Variants in C6orf120 observed in about 807,000 individuals in gnomAD.
The protein encoded by C6orf120 is UPF0669 protein C6orf120.
For synonymous variants in C6orf120, 165 were observed against 123.1 expected (o/e 1.34, Z -2.25); for missense variants, 311 against 264.2 (o/e 1.18, Z -1.23).
downstream of C6orf120, chr6:169,705,241 T>G (rs747145103): frequency 6.2e-7 from 1 of 1,613,180 alleles, no homozygotes; most frequent in South Asian, 1.1e-5. Flanking sequence ...ATAATGCATG[T>G]TTTACATTCC....
At chr6:169,704,063 C>T (rs1199742984) in exon 1 of C6orf120, 3 of 1,582,662 alleles carry the variant, frequency 1.9e-6, no homozygotes, top group African/African-American at 2.8e-5. Flanking sequence ...GGGGGGCCCG[C>T]TGACAACAGT....
At chr6:169,703,896 A>C (rs745568757) in exon 1 of C6orf120, 9 of 798,450 alleles carry the variant, frequency 1.1e-5, no homozygotes, top group Non-Finnish European at 1.6e-5. Flanking sequence ...GCAGATTTTA[A>C]GCTCATAATT....
At chr6:169,705,821 G>C (rs1425090658), downstream of C6orf120, 5 of 727,096 alleles carry the variant, frequency 6.9e-6, no homozygotes, top group African/African-American at 1.8e-5. Flanking sequence ...TTTACTTTTG[G>C]TAACTTGCTA....
At chr6:169,703,141 GT>G in exon 1 of C6orf120, 1 of 1,201,568 alleles carries the variant, frequency 8.3e-7, no homozygotes, top group Non-Finnish European at 1.2e-6. Context: ...GGTACCTTTA[GT>G]CAAGGGATGG....
downstream of C6orf120, chr6:169,705,085 A>G (rs762458949): frequency 4.3e-6 from 6 of 1,401,046 alleles, no homozygotes; most frequent in Non-Finnish European, 4.9e-6. Context: ...GAGTGCTGGG[A>G]GAGTCTCATC....
chr6:169,702,927 C>T (rs757009230), exon 1 of C6orf120: 1 of 1,612,420 alleles, frequency 6.2e-7, no homozygotes, highest in South Asian at 1.1e-5. Flanking sequence ...GCGCAGATGC[C>T]GGCCAGAAGC....
At chr6:169,705,886 C>T (rs952626674), downstream of C6orf120, among the ~76,000 whole-genome samples, 4 of 152,168 alleles carry the variant, frequency 2.6e-5, no homozygotes, top group Non-Finnish European at 5.9e-5. Context: ...CAATGTAAGA[C>T]TGCCTACTGA....
At chr6:169,704,129 T>C (rs1345264932) in exon 1 of C6orf120, 2 of 1,455,070 alleles carry the variant, frequency 1.4e-6, no homozygotes, top group Non-Finnish European at 1.9e-6. Flanking sequence ...AAATTATCTT[T>C]ACAGGACTGA....
chr6:169,705,325 A>C (rs1406001591), downstream of C6orf120: 3 of 1,596,492 alleles, frequency 1.9e-6, no homozygotes, highest in Non-Finnish European at 1.7e-6. Context: ...GGATGGCCTA[A>C]ATCAAAACCA....
chr6:169,703,917 A>G (rs182069716), exon 1 of C6orf120: 2 of 1,130,538 alleles, frequency 1.8e-6, no homozygotes, highest in Non-Finnish European at 2.5e-6. Flanking sequence ...TGCAAAAAAA[A>G]TCTTTTATTG....
Position 169,702,249 on chromosome 6 carries a change from A to G in C6orf120, c.-211A>G. On this transcript the variant is annotated 5_prime_UTR_variant, in exon 1 of 1. An upstream open reading frame in the 5' UTR loses its in-frame stop. Transcript: ENST00000332290. ...TGCCCCTGCCCCTGCCCCTGCCCTG[A>G]GTGGGCGCCGCGCTACGGGGGAGGG... 1 of 681,086 alleles carries G rather than the reference A, an allele frequency of 1.5e-6. No individual in the cohort carries two copies. The highest frequency in any genetic ancestry group is 2.0e-5 in the Admixed American group (1 of 48,962). The allele number at this position is 681,086 out of a possible 1,614,324, so 42.2% of individuals were successfully genotyped here. A position where few individuals can be genotyped will look rare whatever the true frequency, so the allele number is the denominator to read the frequency against.
In C6orf120 at chr6:169,703,314, C is replaced by T. The variant is rs1279791445; in HGVS notation, c.*279C>T. The T allele has an allele frequency of 6.2e-6, 3 of 483,618 alleles. No individual in the cohort carries two copies. The East Asian group carries it at 1.1e-4, about 18-fold the overall frequency. 30.0% of individuals were successfully genotyped at this position (483,618 alleles called of 1,614,324 possible). ...GGTTGACTAAAAATGATTGCAGTAA[C>T]AGGTTTATATAAAATAGAGCAACCT... On this transcript the variant is annotated 3_prime_UTR_variant, in exon 1 of 1. Transcript: ENST00000332290.
At chr6:169,702,884 A>G (rs1585288265) in exon 1 of C6orf120, 1 of 1,611,786 alleles carries the variant, frequency 6.2e-7, no homozygotes. Context: ...GTCGAGCAGC[A>G]CCCGTTCGGC....
chr6:169,705,018 T>C (rs1788728567), downstream of C6orf120: 8 of 673,558 alleles, frequency 1.2e-5, no homozygotes, highest in East Asian at 2.3e-4. Flanking sequence ...TTGGTCATAT[T>C]TGCACATAAG....
exon 1 of C6orf120, chr6:169,703,690 C>T (rs908820902): frequency 2.9e-6 from 1 of 344,924 alleles, no homozygotes; most frequent in Non-Finnish European, 5.4e-6. Flanking sequence ...TATGGTAGGC[C>T]GGAAACAATG....
exon 1 of C6orf120, chr6:169,704,415 T>G: frequency 3.6e-6 from 1 of 276,184 alleles, no homozygotes; most frequent in Non-Finnish European, 7.1e-6. Flanking sequence ...GGAATTTGGC[T>G]TTTTTAAGAC....
chr6:169,702,494 C>A (rs960159354), exon 1 of C6orf120: 4 of 1,586,586 alleles, frequency 2.5e-6, no homozygotes, highest in Non-Finnish European at 3.4e-6. Flanking sequence ...GCGCCCTGGA[C>A]GACGGCCCTG....
At chr6:169,705,050 A>G (rs1788730222), downstream of C6orf120, 2 of 1,014,924 alleles carry the variant, frequency 2.0e-6, no homozygotes, top group Non-Finnish European at 2.9e-6. Flanking sequence ...TCTTCATGTC[A>G]TGATAGCGTT....
At chr6:169,705,517 G>A, downstream of C6orf120, 1 of 786,578 alleles carries the variant, frequency 1.3e-6, no homozygotes, top group Non-Finnish European at 2.2e-6. Context: ...TATTTAATTT[G>A]GTGACTCTTT....
Sources: gnomAD v4.1 joint callset for allele counts (sites outside exome capture counted in the v4.1 genomes callset) on GRCh38, gnomAD v4.1.1 for gene constraint, MANE v1.5 for transcripts, NCBI Gene and HGNC (gene_info 2026-07-23, HGNC 2026-07-21) for gene names.